Variants in MAST4 observed in about 807,000 individuals in gnomAD.
MAST4 encodes the protein microtubule-associated serine/threonine-protein kinase 4.
A neutral mutation model predicts 162.7 loss-of-function variants in MAST4; 89 were observed. The ratio of observed to expected loss-of-function variants is 0.55; its 90% CI spans 0.46 to 0.65. The LOEUF is 0.65. MAST4 is among the 30% of genes least tolerant of loss of function. MAST4 has a pLI of 0.00. For missense variants in MAST4, 3,153 were observed against 3,374.0 expected, an observed-to-expected ratio of 0.93 and a Z score of 1.62; for synonymous variants, 1,479 against 1,361.1, an observed-to-expected ratio of 1.09 and a Z score of -1.91.
At chr5:66,864,869 C>T (rs1405812786) in intron 3 of MAST4, among the ~76,000 whole-genome samples, 1 of 152,178 alleles carries the variant, frequency 6.6e-6, no homozygotes. Context: ...TACTGTGTTA[C>T]AGCAGCCTTA....
intron 3 of MAST4, among the ~76,000 whole-genome samples, chr5:66,817,033 C>T (rs892703463): frequency 1.3e-5 from 2 of 152,182 alleles, no homozygotes; most frequent in African/African-American, 2.4e-5. Context: ...TTCCCTTCCT[C>T]GGTGCTTCTG....
chr5:66,976,519 C>T (rs997885175), intron 4 of MAST4, among the ~76,000 whole-genome samples: 14 of 152,258 alleles, frequency 9.2e-5, no homozygotes, highest in African/African-American at 3.4e-4. Context: ...AGGGAACTAG[C>T]TTGACTGAAG....
At chr5:66,879,359 CACATAT>C (rs146055756) in intron 3 of MAST4, among the ~76,000 whole-genome samples, 55,416 of 137,166 alleles carry the variant, frequency 0.4, 11,795 homozygotes, top group Non-Finnish European at 0.51. Context: ...CACACACACA[CACATAT>C]ATATATATAT....
intron 3 of MAST4, among the ~76,000 whole-genome samples, chr5:66,827,161 G>A (rs949223782): frequency 4.6e-5 from 7 of 152,132 alleles, no homozygotes; most frequent in African/African-American, 7.2e-5. Flanking sequence ...AACAAAAAAC[G>A]TAGTTTTAAA....
At chr5:67,139,071 C>G (rs572145620) in intron 19 of MAST4, among the ~76,000 whole-genome samples, 124 of 152,300 alleles carry the variant, frequency 8.1e-4, no homozygotes, top group African/African-American at 2.9e-3. Context: ...AATCCCCTAA[C>G]AGAAATCCAG....
intron 14 of MAST4, among the ~76,000 whole-genome samples, chr5:67,121,777 AG>A (rs1767628626): frequency 6.6e-6 from 1 of 152,138 alleles, no homozygotes; most frequent in South Asian, 2.1e-4. Context: ...TGCAGCTCAC[AG>A]GCTGCGGGTT....
At chr5:66,669,889 G>A (rs898173036) in intron 1 of MAST4, among the ~76,000 whole-genome samples, 15 of 152,120 alleles carry the variant, frequency 9.9e-5, no homozygotes, top group Admixed American at 9.2e-4. Context: ...AGGTTTGCCA[G>A]GAAAAAATGG....
chr5:66,960,563 C>T (rs1162391685), intron 4 of MAST4, among the ~76,000 whole-genome samples: 1 of 152,118 alleles, frequency 6.6e-6, no homozygotes, highest in African/African-American at 2.4e-5. Flanking sequence ...ACCCTCCTCT[C>T]TCTAGCTGGA....
At chr5:66,606,210 CAG>C (rs1742873246) in intron 1 of MAST4, among the ~76,000 whole-genome samples, 2 of 151,982 alleles carry the variant, frequency 1.3e-5, no homozygotes, top group South Asian at 4.1e-4. Context: ...TCTTGTTAAA[CAG>C]AATGTTTGGG....
intron 2 of MAST4, among the ~76,000 whole-genome samples, chr5:66,769,033 G>A (rs185754297): frequency 2.0e-5 from 3 of 152,240 alleles, no homozygotes; most frequent in African/African-American, 7.2e-5. Context: ...GTCTTGAAGA[G>A]TAAGAAGGGA....
chr5:66,878,658 T>C (rs1761467104), intron 3 of MAST4, among the ~76,000 whole-genome samples: 1 of 152,196 alleles, frequency 6.6e-6, no homozygotes, highest in African/African-American at 2.4e-5. Flanking sequence ...CTATACCTTC[T>C]TTTTTTCTCT....
intron 4 of MAST4, among the ~76,000 whole-genome samples, chr5:66,942,552 G>A (rs73103925): frequency 0.011 from 1,727 of 152,228 alleles, 30 homozygotes; most frequent in African/African-American, 0.039. Flanking sequence ...TGGCTGTCAT[G>A]CAGTGTGAAA....
chr5:66,772,607 T>C (rs1040973258), intron 2 of MAST4, among the ~76,000 whole-genome samples: 8 of 152,094 alleles, frequency 5.3e-5, no homozygotes, highest in Admixed American at 3.3e-4. Context: ...GAGAATGGGA[T>C]CACTGAATTA....
intron 1 of MAST4, among the ~76,000 whole-genome samples, chr5:66,678,329 A>G (rs1031014948): frequency 3.3e-5 from 5 of 152,088 alleles, no homozygotes; most frequent in African/African-American, 9.7e-5. Context: ...CTGAAGATCT[A>G]TTGTACCACA....
chr5:67,132,264 A>G (rs988451122), intron 16 of MAST4, among the ~76,000 whole-genome samples: 9 of 152,082 alleles, frequency 5.9e-5, no homozygotes, highest in Non-Finnish European at 1.2e-4. Context: ...ATGGTGGTGT[A>G]TGCTGCACCC....
At chr5:66,896,455 G>A (rs760648086) in intron 3 of MAST4, among the ~76,000 whole-genome samples, 1 of 152,138 alleles carries the variant, frequency 6.6e-6, no homozygotes, top group African/African-American at 2.4e-5. Context: ...TTGGAAGTGA[G>A]TCACTAGGTC....
chr5:67,132,172 GTATA>G (rs896487417), intron 16 of MAST4, among the ~76,000 whole-genome samples: 1 of 151,902 alleles, frequency 6.6e-6, no homozygotes, highest in Non-Finnish European at 1.5e-5. Flanking sequence ...CAATGCATAT[GTATA>G]TATATATTTT....
intron 4 of MAST4, among the ~76,000 whole-genome samples, chr5:66,975,556 AAGAC>A (rs1395094084): frequency 2.0e-5 from 3 of 152,202 alleles, no homozygotes; most frequent in Non-Finnish European, 4.4e-5. Context: ...TAGTTTAAAA[AAGAC>A]AGACCACTGT....
At position 66,838,404 on chromosome 5, in the gene MAST4, T is replaced by C. The variant is rs1457047863; in HGVS notation, c.642+49610T>C. On this transcript the variant is annotated intron_variant, in intron 3 of 28. Transcript: ENST00000403625. ...TTTTCTTTCAATAAATGTTTAATGA[T>C]AATAATAGCATATATTGAACTGTTT... Among the ~76,000 whole-genome samples, 3 of 152,184 alleles carry C rather than the reference T, an allele frequency of 2.0e-5. No homozygotes were observed. In the East Asian group the frequency reaches 5.8e-4, roughly 29 times the overall value.
Sources: gnomAD v4.1 joint callset for allele counts (sites outside exome capture counted in the v4.1 genomes callset) on GRCh38, gnomAD v4.1.1 for gene constraint, MANE v1.5 for transcripts, NCBI Gene and HGNC (gene_info 2026-07-23, HGNC 2026-07-21) for gene names.